Variants in TC2N observed in about 807,000 individuals in gnomAD.
TC2N encodes tandem C2 domains nuclear protein.
TC2N carries 51 observed loss-of-function variants against 61.9 expected under a neutral mutation model. The observed-to-expected ratio is 0.82, with a 90% CI of 0.66 to 1.04. The LOEUF (loss-of-function observed/expected upper bound fraction) is 1.04, where lower values mean the gene tolerates loss of function less well. Among genes scored for constraint, TC2N ranks in the 50% least tolerant of loss-of-function variants. The pLI, the probability that TC2N is intolerant of heterozygous loss-of-function variation, is 0.00. For missense variants in TC2N, 556 were observed against 566.7 expected, an observed-to-expected ratio of 0.98 and a Z score of 0.19; for synonymous variants, 204 against 192.6, an observed-to-expected ratio of 1.06 and a Z score of -0.49.
chr14:91,826,608 T>C (rs888891373), intron 1 of TC2N, among the ~76,000 whole-genome samples: 3 of 152,162 alleles, frequency 2.0e-5, no homozygotes, highest in African/African-American at 7.2e-5. Context: ...AATATTTGCA[T>C]GTTATATCTT....
At chr14:91,822,329 G>T (rs559222412) in intron 1 of TC2N, among the ~76,000 whole-genome samples, 1 of 152,258 alleles carries the variant, frequency 6.6e-6, no homozygotes, top group African/African-American at 2.4e-5. Context: ...AAGTAAGCTG[G>T]TTAAACATGC....
intron 1 of TC2N, among the ~76,000 whole-genome samples, chr14:91,849,193 C>T (rs143664628): frequency 1.1e-3 from 164 of 152,280 alleles, no homozygotes; most frequent in Non-Finnish European, 1.8e-3. Context: ...TCCAAAGTTG[C>T]GTGGCTGCTG....
rs199769186 is a variant in TC2N, at chr14:91,798,336, T to G, written c.701A>C (p.Asn234Thr). 7.7e-5 allele frequency: 122 copies of G among 1,594,124 alleles called. No individual in the cohort carries two copies. Among genetic ancestry groups the G allele is most frequent in the Non-Finnish European group, 9.6e-5 (112 of 1,167,632 alleles). Residue 234 changes from asparagine (N) to threonine (T), a missense_variant, in exon 7 of 12, where the codon AAT becomes ACT. Coordinates refer to ENST00000435962, the MANE Select transcript of TC2N (RefSeq NM_001128596.3). ...GATCCAGATCTGTTCTACTGAAGAATTATAAAACAATTTCACATTCAGTCT... is the reference window on the plus strand; with the variant it reads ...GATCCAGATCTGTTCTACTGAAGAAGTATAAAACAATTTCACATTCAGTCT... ...FGRLNVKLFYNSSVEQIWITV... is the reference protein window; with the variant it reads ...FGRLNVKLFYTSSVEQIWITV...
rs1885903346 is a variant in TC2N, at chr14:91,796,508, A to AGT, written c.855+1276_855+1277insAC. ...TCAGAATGTGAACTCATTTGGAAAC[A>AGT]GGGTCACTGTAGATGTGATCAGTGA... is the stretch of plus-strand genomic sequence containing the variant. On this transcript the variant is annotated intron_variant, in intron 8 of 11. Transcript: ENST00000435962. Among the ~76,000 whole-genome samples the AGT allele has an allele frequency of 2.0e-5, 3 of 152,128 alleles. No individual in the cohort carries two copies. The South Asian group carries it at 6.2e-4, about 31-fold the overall frequency.
intron 11 of TC2N, among the ~76,000 whole-genome samples, chr14:91,784,246 G>A (rs1885255781): frequency 6.6e-6 from 1 of 152,120 alleles, no homozygotes; most frequent in Non-Finnish European, 1.5e-5. Flanking sequence ...GAGGCTCGAT[G>A]ATATACGAAA....
intron 1 of TC2N, among the ~76,000 whole-genome samples, chr14:91,835,729 AC>A (rs1277336848): frequency 6.6e-6 from 1 of 152,198 alleles, no homozygotes; most frequent in African/African-American, 2.4e-5. Flanking sequence ...CACTTTTAAC[AC>A]CCTTTCGCCA....
chr14:91,834,397 C>T (rs1887915480), intron 1 of TC2N, among the ~76,000 whole-genome samples: 1 of 152,132 alleles, frequency 6.6e-6, no homozygotes, highest in Non-Finnish European at 1.5e-5. Flanking sequence ...TGATGCACTT[C>T]GTTTTTAAAA....
Position 91,799,049 on chromosome 14 carries a change from A to G in TC2N, c.577T>C (p.Ser193Pro). 1 of 1,580,712 alleles carries G rather than the reference A, an allele frequency of 6.3e-7. No individual in the cohort carries two copies. The highest frequency in any genetic ancestry group is 8.6e-7 in the Non-Finnish European group (1 of 1,168,102). The change falls in exon 6 of 12, where the codon TCC becomes CCC. Residue 193 changes from serine (S) to proline (P), a missense_variant. Transcript: ENST00000435962. Reference sequence around the variant, plus strand: ...GAAGAAGAACTACTGGGTACACTGGACAATGAATCATGTCTCTATAAATAA... The same window carrying G: ...GAAGAAGAACTACTGGGTACACTGGGCAATGAATCATGTCTCTATAAATAA... Reference protein sequence around the residue: ...QRFIQRHDSLSSVPSSSSSRK... With the variant: ...QRFIQRHDSLPSVPSSSSSRK...
rs201740871 is a variant in TC2N, at chr14:91,815,354, GA to G, written c.-56-1530del. 3.6e-3 allele frequency among the ~76,000 whole-genome samples: 536 copies of G among 150,622 alleles called. 2 individuals are homozygous for G. Among genetic ancestry groups the G allele is most frequent in the African/African-American group, 0.012 (495 of 40,568 alleles). On this transcript the variant is annotated intron_variant, in intron 1 of 11. Coordinates refer to ENST00000435962, the MANE Select transcript of TC2N (RefSeq NM_001128596.3). ...TAAACAAATAAACTGCATACTTCAT[GA>G]ATTATTTTAATCTTTAGAGTTATAC...
At position 91,797,875 on chromosome 14, in the gene TC2N, A is replaced by C. The variant is rs1435735585; in HGVS notation, c.765T>G (p.Ser255Arg). ...TAGAAACAGTAGGAGTGTCTCCATA[A>C]CTAGAGGGCCAACTTAAATCTCTGC... Reference protein sequence around the residue: ...LQCRDLSWPSSYGDTPTVSIK... With the variant: ...LQCRDLSWPSRYGDTPTVSIK... Residue 255 changes from serine (S) to arginine (R), a missense_variant, in exon 8 of 12, where the codon AGT (serine) becomes AGG (arginine). Coordinates refer to ENST00000435962, the MANE Select transcript of TC2N (RefSeq NM_001128596.3). 6.2e-7 allele frequency: 1 copy of C among 1,605,368 alleles called. No individual in the cohort carries two copies.
At chr14:91,804,629 T>C (rs1183380376) in intron 3 of TC2N, among the ~76,000 whole-genome samples, 1 of 152,070 alleles carries the variant, frequency 6.6e-6, no homozygotes, top group East Asian at 1.9e-4. Flanking sequence ...CTAAAAAACA[T>C]AATGTTGAAT....
intron 1 of TC2N, among the ~76,000 whole-genome samples, chr14:91,822,867 A>G (rs1391805785): frequency 6.6e-6 from 1 of 151,908 alleles, no homozygotes; most frequent in Non-Finnish European, 1.5e-5. Context: ...GGTGCCCACC[A>G]CCACGCATGG....
chr14:91,849,760 T>C (rs1888336468), intron 1 of TC2N, among the ~76,000 whole-genome samples: 1 of 152,120 alleles, frequency 6.6e-6, no homozygotes, highest in Admixed American at 6.6e-5. Context: ...AAAGATGGGG[T>C]TTAGAGGCCA....
intron 3 of TC2N, among the ~76,000 whole-genome samples, chr14:91,806,747 A>G (rs1313787455): frequency 6.6e-6 from 1 of 152,244 alleles, no homozygotes; most frequent in Admixed American, 6.5e-5. Flanking sequence ...AATAGAAAAA[A>G]AAAACACATT....
chr14:91,802,363 G>A lies in TC2N; in HGVS notation c.360C>T (p.His120=), dbSNP rs1286505731. The change falls in exon 4 of 12, where the codon CAC becomes CAT. Residue 120 remains histidine (H), a synonymous_variant. Transcript: ENST00000435962. ...GGTTATACACATCATAGCTAGGTCC[G>A]TGCTGGGATGAACTGGAAAGTTCTA... The part of the protein sequence containing the change: ...RKVELSSSSQ[H]GPSYDVYNPF... The A allele has an allele frequency of 9.9e-6, 16 of 1,612,438 alleles. No homozygotes were observed. The highest frequency in any genetic ancestry group is 5.0e-5 in the Admixed American group (3 of 59,684).
At chr14:91,824,204 T>G (rs1428233911) in intron 1 of TC2N, among the ~76,000 whole-genome samples, 1 of 152,196 alleles carries the variant, frequency 6.6e-6, no homozygotes, top group Non-Finnish European at 1.5e-5. Flanking sequence ...CCTAGTCACT[T>G]TAACTCCTCC....
chr14:91,795,153 C>G (rs114587862), intron 8 of TC2N, among the ~76,000 whole-genome samples: 1 of 152,066 alleles, frequency 6.6e-6, no homozygotes, highest in Non-Finnish European at 1.5e-5. Context: ...ACAATATGAA[C>G]AGATAAGGAG....
chr14:91,819,574 C>G (rs1477535808), intron 1 of TC2N, among the ~76,000 whole-genome samples: 1 of 151,846 alleles, frequency 6.6e-6, no homozygotes, highest in Non-Finnish European at 1.5e-5. Flanking sequence ...TCCTTCAGGC[C>G]AAAGGATAAT....
chr14:91,861,913 AAT>A (rs10654548), intron 1 of TC2N, among the ~76,000 whole-genome samples: 11 of 148,830 alleles, frequency 7.4e-5, no homozygotes, highest in African/African-American at 2.5e-4. Context: ...GTCGTTGGAA[AAT>A]ATATATATAT....
Sources: gnomAD v4.1 joint callset for allele counts (sites outside exome capture counted in the v4.1 genomes callset) on GRCh38, gnomAD v4.1.1 for gene constraint, MANE v1.5 for transcripts, NCBI Gene and HGNC (gene_info 2026-07-23, HGNC 2026-07-21) for gene names.